GATA4: variants seen among roughly 807,000 people sequenced by gnomAD.
GATA4 encodes the protein transcription factor GATA-4.
Under a neutral mutation model 37.9 loss-of-function variants are expected in GATA4, and 7 were observed. That is an observed-to-expected ratio of 0.18 (90% CI 0.11 to 0.35). GATA4 has a LOEUF of 0.35. GATA4 is among the 10% of genes least tolerant of loss of function. The probability of loss-of-function intolerance (pLI) is 1.00; values close to 1 mark genes in which losing one functional copy is unlikely to be tolerated. For synonymous variants in GATA4, 372 were observed against 292.6 expected (o/e 1.27, Z -2.77); for missense variants, 647 against 653.0 (o/e 0.99, Z 0.10).
chr8:11,693,486 G>C (rs1372213626), intron 1 of GATA4, among the ~76,000 whole-genome samples: 2 of 150,644 alleles, frequency 1.3e-5, no homozygotes, highest in Non-Finnish European at 3.0e-5. Flanking sequence ...AGAAGAGAGA[G>C]AGAGAGAGAG....
intron 1 of GATA4, chr8:11,683,056 G>T: frequency 1.0e-6 from 1 of 985,348 alleles, no homozygotes; most frequent in Non-Finnish European, 1.2e-6. Flanking sequence ...CAGCTCTCTG[G>T]TGTCTCTTAC....
chr8:11,692,076 C>T (rs1247082889), upstream of GATA4: 8 of 984,602 alleles, frequency 8.1e-6, no homozygotes, highest in African/African-American at 1.2e-4. Flanking sequence ...GGGTGCTTTC[C>T]GTAGAAAGGG....
At chr8:11,692,456 A>G, upstream of GATA4, 2 of 918,516 alleles carry the variant, frequency 2.2e-6, no homozygotes, top group Non-Finnish European at 2.6e-6. Context: ...ATGAACCCTA[A>G]TAGAATATTG....
intron 1 of GATA4, among the ~76,000 whole-genome samples, chr8:11,684,153 G>T (rs559025699): frequency 2.6e-5 from 4 of 152,190 alleles, no homozygotes; most frequent in Non-Finnish European, 4.4e-5. Context: ...AGAAACTAAA[G>T]CCCCTGAAAC....
intron 2 of GATA4, among the ~76,000 whole-genome samples, chr8:11,747,363 G>A (rs775220981): frequency 8.5e-5 from 13 of 152,222 alleles, no homozygotes; most frequent in Non-Finnish European, 1.5e-4. Context: ...TGTAGACATG[G>A]ATGATAAAGG....
upstream of GATA4, among the ~76,000 whole-genome samples, chr8:11,690,592 G>A (rs1181319119): frequency 2.6e-5 from 4 of 152,152 alleles, no homozygotes; most frequent in Non-Finnish European, 5.9e-5. Flanking sequence ...TGGTGGCTCT[G>A]GCTCAGGGCT....
At chr8:11,728,851 C>CATT (rs1801068165) in intron 2 of GATA4, among the ~76,000 whole-genome samples, 1 of 152,236 alleles carries the variant, frequency 6.6e-6, no homozygotes, top group Non-Finnish European at 1.5e-5. Flanking sequence ...ATCCAACTTA[C>CATT]TGTCTATAAT....
chr8:11,697,515 TG>T (rs1234875620), intron 1 of GATA4: 11 of 975,172 alleles, frequency 1.1e-5, no homozygotes, highest in Non-Finnish European at 1.2e-5. Context: ...CTGCTGCAGT[TG>T]GGGAGGGAGA....
intron 4 of GATA4, among the ~76,000 whole-genome samples, chr8:11,750,898 G>C (rs1353067653): frequency 6.6e-6 from 1 of 151,806 alleles, no homozygotes; most frequent in African/African-American, 2.4e-5. Context: ...AGTGAGCTCT[G>C]ATTGTCCCAC....
chr8:11,681,413 C>A (rs1188753556), intron 1 of GATA4: 8 of 984,510 alleles, frequency 8.1e-6, no homozygotes, highest in Non-Finnish European at 8.4e-6. Context: ...ACGCGTGGCT[C>A]AACTCGGGGG....
At chr8:11,705,828 T>C (rs937626830) in intron 1 of GATA4, 2 of 152,240 alleles carry the variant, frequency 1.3e-5, no homozygotes, top group African/African-American at 4.8e-5. Context: ...ATTTTTTGCA[T>C]TTACCTTTTA....
rs1800039815 is a variant in GATA4 at position 11,708,987 on chromosome 8, C to T, written c.616+59C>T. On this transcript the variant is annotated intron_variant, in intron 2 of 6. Transcript: ENST00000532059. This position sits in a 1 kb window ranked among gnomAD's most constrained non-coding sequence, Gnocchi z 6.7. ...GGCCGGGGCAGGGGCCGTCTTGAGC[C>T]CTGTCGAGGGCCTCTTGTTTTTCCA... is the stretch of plus-strand genomic sequence containing the variant. 28 of 1,478,792 alleles carry T rather than the reference C, an allele frequency of 1.9e-5. 1 individual carries two copies. In the South Asian group the frequency reaches 3.5e-4, roughly 19 times the overall value. The allele number at this position is 1,478,792 out of a possible 1,614,324, so 91.6% of individuals were successfully genotyped here. A position where few individuals can be genotyped will look rare whatever the true frequency, so the allele number is the denominator to read the frequency against.
At chr8:11,681,416 C>G in intron 1 of GATA4, 1 of 984,882 alleles carries the variant, frequency 1.0e-6, no homozygotes, top group Non-Finnish European at 1.2e-6. Flanking sequence ...CGTGGCTCAA[C>G]TCGGGGGCCG....
At chr8:11,744,229 C>A (rs752595602) in intron 2 of GATA4, among the ~76,000 whole-genome samples, 4 of 152,240 alleles carry the variant, frequency 2.6e-5, no homozygotes, top group Non-Finnish European at 5.9e-5. Context: ...CTTTCCCACT[C>A]CCTCCTGACC....
At chr8:11,705,515 G>T (rs577291078) in intron 1 of GATA4, among the ~76,000 whole-genome samples, 18 of 152,294 alleles carry the variant, frequency 1.2e-4, no homozygotes, top group Middle Eastern at 3.4e-3. Context: ...AAAGGGGAGC[G>T]CATTTCCTGT....
intron 2 of GATA4, among the ~76,000 whole-genome samples, chr8:11,716,725 G>C (rs1027422048): frequency 1.2e-4 from 18 of 152,344 alleles, no homozygotes; most frequent in Non-Finnish European, 2.4e-4. Context: ...ATTGGAGTTA[G>C]AACCTGCCTG....
chr8:11,721,513 C>A (rs900067138), intron 2 of GATA4, among the ~76,000 whole-genome samples: 3 of 151,956 alleles, frequency 2.0e-5, no homozygotes, highest in African/African-American at 7.3e-5. Context: ...GCGCCTCCCG[C>A]TGAGTCACCC....
intron 2 of GATA4, 53 bp from the exon 3 acceptor site, chr8:11,748,863 T>C: frequency 6.3e-7 from 1 of 1,593,710 alleles, no homozygotes; most frequent in Non-Finnish European, 8.6e-7. Flanking sequence ...GAGCTGGGCA[T>C]AAACAAAGAA....
At chr8:11,678,012 AAAT>A (rs148395155) in intron 1 of GATA4, among the ~76,000 whole-genome samples, 27,646 of 141,628 alleles carry the variant, frequency 0.2, 2,901 homozygotes, top group Non-Finnish European at 0.24. Flanking sequence ...GGCTGAGTCA[AAAT>A]AATAATAATA....
Sources: allele counts gnomAD v4.1 joint callset (sites outside exome capture counted in the v4.1 genomes callset), GRCh38; gene constraint gnomAD v4.1.1; non-coding constraint Gnocchi (gnomAD v3.1); transcripts MANE v1.5; gene names NCBI Gene and HGNC (gene_info 2026-07-23, HGNC 2026-07-21).